SGPP1: variants seen among roughly 807,000 people sequenced by gnomAD.
SGPP1 encodes the protein sphingosine-1-phosphate phosphatase 1, also known as hSPP1.
SGPP1 carries 21 observed loss-of-function variants against 33.0 expected under a neutral mutation model. The observed-to-expected ratio is 0.64, with a 90% CI of 0.45 to 0.92. The LOEUF (loss-of-function observed/expected upper bound fraction) is 0.92. Among genes scored for constraint, SGPP1 ranks in the 40% least tolerant of loss-of-function variants. The probability of loss-of-function intolerance (pLI) is 0.00; values close to 1 mark genes in which losing one functional copy is unlikely to be tolerated. For missense variants in SGPP1, 543 were observed against 589.4 expected (o/e 0.92, Z 0.81); for synonymous variants, 239 against 241.2 (o/e 0.99, Z 0.08).
intron 1 of SGPP1, among the ~76,000 whole-genome samples, chr14:63,698,922 A>G (rs1329142156): frequency 6.6e-6 from 1 of 152,202 alleles, no homozygotes; most frequent in Non-Finnish European, 1.5e-5. Context: ...TGCTTCTACA[A>G]TGAAGATTCA....
intron 2 of SGPP1, among the ~76,000 whole-genome samples, chr14:63,688,607 T>C (rs1885030730): frequency 6.6e-6 from 1 of 152,160 alleles, no homozygotes. Context: ...TCAATGTTTA[T>C]ATTCACTGTC....
intron 1 of SGPP1, among the ~76,000 whole-genome samples, chr14:63,701,918 CAA>C (rs549492142): frequency 6.5e-4 from 35 of 54,078 alleles, no homozygotes; most frequent in Non-Finnish European, 1.3e-3. Context: ...CTGTTGACAG[CAA>C]AAAAAAAAAA....
chr14:63,719,593 G>A lies in SGPP1; in HGVS notation c.684+7668C>T, dbSNP rs150404779. The stretch of plus-strand genomic sequence containing the variant: ...TATTGGAATATTTCTTGAGGGGAGC[G>A]CTGGGAAAATAAATAAATAAATGTA... On this transcript the variant is annotated intron_variant, in intron 1 of 2. Coordinates refer to ENST00000247225, the MANE Select transcript of SGPP1 (RefSeq NM_030791.4). 1.7e-4 allele frequency among the ~76,000 whole-genome samples: 26 copies of A among 151,842 alleles called. No homozygotes were observed. The East Asian group carries it at 2.3e-3, about 14-fold the overall frequency.
intron 1 of SGPP1, among the ~76,000 whole-genome samples, chr14:63,715,145 T>C (rs563150146): frequency 6.6e-6 from 1 of 151,200 alleles, no homozygotes. Flanking sequence ...TACCAAGTAG[T>C]TGGGATTACA....
chr14:63,692,981 G>C (rs1182763826), intron 2 of SGPP1, among the ~76,000 whole-genome samples: 1 of 152,048 alleles, frequency 6.6e-6, no homozygotes, highest in East Asian at 1.9e-4. Flanking sequence ...TATGGCCATG[G>C]CCTAGGCTGG....
chr14:63,711,211 C>T (rs1885515789), intron 1 of SGPP1, among the ~76,000 whole-genome samples: 1 of 151,998 alleles, frequency 6.6e-6, no homozygotes, highest in Non-Finnish European at 1.5e-5. Context: ...GACGGGATTT[C>T]CACATGTTGG....
intron 1 of SGPP1, among the ~76,000 whole-genome samples, chr14:63,705,127 T>TA (rs35254189): frequency 0.038 from 5,662 of 147,118 alleles, 170 homozygotes; most frequent in Admixed American, 0.095. Context: ...ACTCTGTCTT[T>TA]AAAAAAAAAC....
At chr14:63,689,897 T>G (rs1885058247) in intron 2 of SGPP1, among the ~76,000 whole-genome samples, 1 of 152,254 alleles carries the variant, frequency 6.6e-6, no homozygotes, top group African/African-American at 2.4e-5. Context: ...AACATTAAGA[T>G]TCATTCATTA....
chr14:63,720,143 AC>A (rs1176945819), intron 1 of SGPP1, among the ~76,000 whole-genome samples: 1,691 of 142,114 alleles, frequency 0.012, 49 homozygotes, highest in African/African-American at 0.043. Context: ...AAAAAAAAAA[AC>A]ATGCTGGGCA....
chr14:63,687,321 A>G (rs889757608), intron 2 of SGPP1, among the ~76,000 whole-genome samples: 2 of 152,102 alleles, frequency 1.3e-5, no homozygotes, highest in Admixed American at 1.3e-4. Flanking sequence ...CCAGCCTGTG[A>G]TCCCAGCTAC....
chr14:63,686,094 A>G lies in SGPP1; in HGVS notation c.*11T>C. 1 of 1,521,946 alleles carries G rather than the reference A, an allele frequency of 6.6e-7. No homozygotes were observed. Among genetic ancestry groups the G allele is most frequent in the Non-Finnish European group, 8.9e-7 (1 of 1,122,042 alleles). The allele number at this position is 1,521,946 out of a possible 1,614,324, so 94.3% of individuals were successfully genotyped here. On this transcript the variant is annotated 3_prime_UTR_variant, in exon 3 of 3. Coordinates refer to ENST00000247225, the MANE Select transcript of SGPP1 (RefSeq NM_030791.4). The stretch of plus-strand genomic sequence containing the variant: ...ATACCCTCCTTTCTTATCATAAACA[A>G]TACTTCTCCATCAAGAGATACCAAT...
chr14:63,724,632 A>G (rs1172791317), intron 1 of SGPP1, among the ~76,000 whole-genome samples: 2 of 150,824 alleles, frequency 1.3e-5, no homozygotes, highest in Non-Finnish European at 3.0e-5. Flanking sequence ...AAAAAAAAAA[A>G]AAAAAAAAAG....
At chr14:63,723,919 C>G (rs1885826155) in intron 1 of SGPP1, among the ~76,000 whole-genome samples, 1 of 151,996 alleles carries the variant, frequency 6.6e-6, no homozygotes, top group Non-Finnish European at 1.5e-5. Context: ...GCCCTGTCAT[C>G]TAGGCTGAAG....
In SGPP1 at chr14:63,686,669, A is replaced by G; in HGVS notation, c.775-13T>C. The G allele has an allele frequency of 6.4e-7, 1 of 1,555,936 alleles. No homozygotes were observed. Among genetic ancestry groups the G allele is most frequent in the Non-Finnish European group, 8.8e-7 (1 of 1,138,470 alleles). ...CAGCAATAATATCCTAGGAAAAGAT[A>G]AAAGTATCGTTGTTTAGTATAATAC... is the stretch of plus-strand genomic sequence containing the variant. On this transcript the variant is annotated splice_polypyrimidine_tract_variant and intron_variant, in intron 2 of 2. Transcript: ENST00000247225.
At chr14:63,693,105 T>C (rs1885118924) in intron 2 of SGPP1, among the ~76,000 whole-genome samples, 2 of 147,566 alleles carry the variant, frequency 1.4e-5, no homozygotes, top group Admixed American at 1.3e-4. Flanking sequence ...ACTTCTTGTA[T>C]TTTTTTTTAT....
chr14:63,727,191 T>C (rs186120854), intron 1 of SGPP1, 70 bp downstream of exon 1: 4 of 1,496,222 alleles, frequency 2.7e-6, no homozygotes, highest in Admixed American at 4.6e-5. Flanking sequence ...TTAAAATAAA[T>C]GCAGAGAGCA....
chr14:63,696,797 C>A (rs1346066694), intron 2 of SGPP1, among the ~76,000 whole-genome samples: 1 of 152,096 alleles, frequency 6.6e-6, no homozygotes, highest in African/African-American at 2.4e-5. Flanking sequence ...ACCAGCCTGG[C>A]CAACATGGTG....
chr14:63,706,255 T>C (rs1409926531), intron 1 of SGPP1, among the ~76,000 whole-genome samples: 1 of 152,176 alleles, frequency 6.6e-6, no homozygotes, highest in Non-Finnish European at 1.5e-5. Context: ...ACATGGATGG[T>C]TGCCAGAAGT....
At chr14:63,724,795 AATCTCCTGATTGAGATCAGGAGATTG>A (rs1473788758) in intron 1 of SGPP1, among the ~76,000 whole-genome samples, 1 of 151,312 alleles carries the variant, frequency 6.6e-6, no homozygotes, top group Non-Finnish European at 1.5e-5. Flanking sequence ...GGATGGTCTC[AATCTCCTGATTGAGATCAGGAGATTG>A]CAGAGAGCCG....
Sources: gnomAD v4.1 joint callset for allele counts (sites outside exome capture counted in the v4.1 genomes callset) on GRCh38, gnomAD v4.1.1 for gene constraint, MANE v1.5 for transcripts, NCBI Gene and HGNC (gene_info 2026-07-23, HGNC 2026-07-21) for gene names.